The following DMC1 variants were observed in gnomAD, a reference collection of about 807,000 sequenced individuals.
The protein encoded by DMC1 is DNA meiotic recombinase 1, also known as meiotic recombination protein DMC1 homolog.
In DMC1, 27 loss-of-function variants were observed where a neutral mutation model predicts 50.1. The observed-to-expected ratio is 0.54, with a 90% CI of 0.40 to 0.74. The LOEUF is 0.74. Among genes scored for constraint, DMC1 ranks in the 30% least tolerant of loss-of-function variants. The pLI is 0.00. For synonymous variants in DMC1, 148 were observed against 136.1 expected, an observed-to-expected ratio of 1.09 and a Z score of -0.61; for missense variants, 295 against 420.2, an observed-to-expected ratio of 0.70 and a Z score of 2.60.
chr22:38,528,409 T>C (rs2090119210), intron 12 of DMC1, among the ~76,000 whole-genome samples: 1 of 152,054 alleles, frequency 6.6e-6, no homozygotes, highest in Admixed American at 6.6e-5. Context: ...TGCCAGGAAC[T>C]GTACCTGTTC....
intron 10 of DMC1, 61 bp from the exon 11 acceptor site, chr22:38,538,470 A>G: frequency 1.9e-6 from 3 of 1,600,634 alleles, no homozygotes; most frequent in Non-Finnish European, 2.6e-6. Context: ...ACGTTATTTG[A>G]ATAGAGATCA....
intron 4 of DMC1, among the ~76,000 whole-genome samples, chr22:38,566,349 G>A (rs988242527): frequency 4.0e-5 from 6 of 151,584 alleles, no homozygotes; most frequent in African/African-American, 1.5e-4. Flanking sequence ...GAGACAAAAA[G>A]TTTTGGCAAA....
intron 4 of DMC1, among the ~76,000 whole-genome samples, chr22:38,562,849 A>G (rs2090544027): frequency 6.6e-6 from 1 of 152,080 alleles, no homozygotes; most frequent in Non-Finnish European, 1.5e-5. Flanking sequence ...ACATATATAT[A>G]CACATATTCC....
Position 38,538,418 on chromosome 22 carries a change from G to T in DMC1, c.661-9C>A. ...ATTATTGAATCGATAATCTACACAGGATTAATGTAAAAATAAACATGCATT... is the reference window on the plus strand; with the variant it reads ...ATTATTGAATCGATAATCTACACAGTATTAATGTAAAAATAAACATGCATT... On this transcript the variant is annotated splice_polypyrimidine_tract_variant and intron_variant, in intron 10 of 13. Coordinates refer to ENST00000216024, the MANE Select transcript of DMC1 (RefSeq NM_007068.4). The T allele has an allele frequency of 1.2e-6, 2 of 1,612,950 alleles. No homozygotes were observed. The highest frequency in any genetic ancestry group is 1.1e-5 in the South Asian group (1 of 91,052).
At chr22:38,559,887 G>A (rs989094195) in intron 5 of DMC1, among the ~76,000 whole-genome samples, 1 of 151,832 alleles carries the variant, frequency 6.6e-6, no homozygotes, top group East Asian at 1.9e-4. Flanking sequence ...GCGTGGTGGC[G>A]GGCACCTGTA....
intron 8 of DMC1, chr22:38,549,716 T>C: frequency 1.9e-6 from 1 of 531,024 alleles, no homozygotes; most frequent in East Asian, 3.1e-5. Flanking sequence ...CATGTATTTG[T>C]TTTGTCTCAT....
intron 12 of DMC1, 26 bp downstream of exon 12, chr22:38,537,566 A>T (rs1441275056): frequency 6.2e-7 from 1 of 1,607,060 alleles, no homozygotes; most frequent in Non-Finnish European, 8.5e-7. Flanking sequence ...CCTCTGTGAA[A>T]TAAAAAGTAG....
At position 38,558,046 on chromosome 22, in the gene DMC1, T is replaced by C. The variant is rs182751769; in HGVS notation, c.327-2637A>G. Among the ~76,000 whole-genome samples the C allele has an allele frequency of 2.6e-3, 360 of 138,804 alleles. 2 individuals are homozygous for C. The highest frequency in any genetic ancestry group is 9.2e-3 in the African/African-American group (339 of 36,772). 91.1% of individuals were successfully genotyped at this position (138,804 alleles called of 152,430 possible). ...GGCGTGATCTTGGCTCACTGCAACC[T>C]CTGCCTCCTGGATTCAAGCAATTCT... is the stretch of plus-strand genomic sequence containing the variant. On this transcript the variant is annotated intron_variant, in intron 5 of 13. Transcript: ENST00000216024.
chr22:38,561,013 T>C (rs2090521646), intron 5 of DMC1, among the ~76,000 whole-genome samples: 1 of 152,028 alleles, frequency 6.6e-6, no homozygotes, highest in African/African-American at 2.4e-5. Context: ...TTTTTTTTTT[T>C]CAGACAAGGT....
chr22:38,520,197 C>T (rs926724746), intron 13 of DMC1, 108 bp from the exon 14 acceptor site: 2 of 947,816 alleles, frequency 2.1e-6, no homozygotes, highest in Admixed American at 3.8e-5. Context: ...CCAGAGACAT[C>T]TCAGAGTTGG....
chr22:38,559,060 C>T (rs1050909954), intron 5 of DMC1, among the ~76,000 whole-genome samples: 2 of 152,122 alleles, frequency 1.3e-5, no homozygotes, highest in Non-Finnish European at 2.9e-5. Flanking sequence ...GACTGAGTCT[C>T]ACTCTATTGC....
intron 8 of DMC1, among the ~76,000 whole-genome samples, chr22:38,547,232 C>A (rs996727343): frequency 6.6e-6 from 1 of 152,160 alleles, no homozygotes; most frequent in African/African-American, 2.4e-5. Flanking sequence ...CTATGTTGCC[C>A]AGGCTGGTCT....
chr22:38,518,412 T>C (rs2089990945), downstream of DMC1, among the ~76,000 whole-genome samples: 1 of 152,248 alleles, frequency 6.6e-6, no homozygotes, highest in Admixed American at 6.5e-5. Context: ...AGGAACCACA[T>C]TTTCCTTGTT....
At chr22:38,562,991 A>G (rs2090545090) in intron 4 of DMC1, among the ~76,000 whole-genome samples, 1 of 151,938 alleles carries the variant, frequency 6.6e-6, no homozygotes, top group African/African-American at 2.4e-5. Flanking sequence ...ATGGTCTCAA[A>G]CTCCTGACCT....
At chr22:38,539,242 A>G in intron 9 of DMC1, 79 bp downstream of exon 9, 1 of 1,010,308 alleles carries the variant, frequency 9.9e-7, no homozygotes, top group Non-Finnish European at 1.6e-6. Flanking sequence ...AAAGTATCAA[A>G]ATGTTGTATC....
chr22:38,518,571 C>A (rs1371586456), downstream of DMC1, among the ~76,000 whole-genome samples: 1 of 151,740 alleles, frequency 6.6e-6, no homozygotes, highest in African/African-American at 2.4e-5. Context: ...CACTCTGTGA[C>A]CCAGGCTGGA....
chr22:38,533,383 G>A (rs1027959792), intron 12 of DMC1, among the ~76,000 whole-genome samples: 5 of 126,538 alleles, frequency 4.0e-5, no homozygotes, highest in African/African-American at 9.4e-5. Flanking sequence ...GTGACAGAGC[G>A]AGACTCCATC....
chr22:38,524,816 C>T (rs2090069430), intron 12 of DMC1, among the ~76,000 whole-genome samples: 1 of 152,198 alleles, frequency 6.6e-6, no homozygotes, highest in South Asian at 2.1e-4. Flanking sequence ...CGCAGTAGCA[C>T]TTTGGGAGGC....
chr22:38,551,205 G>A (rs896156539), intron 7 of DMC1, among the ~76,000 whole-genome samples: 4 of 151,382 alleles, frequency 2.6e-5, no homozygotes, highest in South Asian at 2.1e-4. Flanking sequence ...CTGAGATCGC[G>A]CCACTGCACT....
Sources: gnomAD v4.1 joint callset for allele counts (sites outside exome capture counted in the v4.1 genomes callset) on GRCh38, gnomAD v4.1.1 for gene constraint, MANE v1.5 for transcripts, NCBI Gene and HGNC (gene_info 2026-07-23, HGNC 2026-07-21) for gene names.